The following SCYL1 variants were observed in gnomAD, a reference collection of about 807,000 sequenced individuals.
SCYL1 encodes N-terminal kinase-like protein.
SCYL1 carries 85 observed loss-of-function variants against 94.8 expected under a neutral mutation model. The observed-to-expected ratio is 0.90, with a 90% CI of 0.75 to 1.07. The LOEUF is 1.07. SCYL1 is among the 50% of genes least tolerant of loss of function. The pLI, the probability that SCYL1 is intolerant of heterozygous loss-of-function variation, is 0.00. For synonymous variants in SCYL1, 459 were observed against 435.5 expected (o/e 1.05, Z -0.67); for missense variants, 968 against 1,083.3 (o/e 0.89, Z 1.49).
At chr11:65,536,863 G>A (rs999747402) in intron 13 of SCYL1, 113 bp downstream of exon 13, 1 of 1,348,578 alleles carries the variant, frequency 7.4e-7, no homozygotes, top group Non-Finnish European at 1.0e-6. Context: ...ATAGGAGCTG[G>A]GTAGGCTCCA....
At position 65,525,633 on chromosome 11, in the gene SCYL1, G is replaced by C. The variant is rs1855036887; in HGVS notation, c.171G>C (p.Gln57His). The change falls in exon 2 of 18, where the codon CAG (glutamine) becomes CAC (histidine). Residue 57 changes from glutamine to histidine, a missense_variant. Coordinates refer to ENST00000270176, the MANE Select transcript of SCYL1 (RefSeq NM_020680.4). Reference sequence around the variant, plus strand: ...ATGTGAAGCCTGGCGCGGAAGAGCAGACCCAGGTGGCCAAAGCTGCCTTCA... The same window carrying C: ...ATGTGAAGCCTGGCGCGGAAGAGCACACCCAGGTGGCCAAAGCTGCCTTCA... Reference protein sequence around the residue: ...VYDVKPGAEEQTQVAKAAFKR... With the variant: ...VYDVKPGAEEHTQVAKAAFKR... The C allele has an allele frequency of 1.9e-6, 3 of 1,612,718 alleles. No homozygotes were observed. The highest frequency in any genetic ancestry group is 2.5e-6 in the Non-Finnish European group (3 of 1,179,974).
rs1177631373 is a variant in SCYL1 at position 65,528,533 on chromosome 11, C to T, written c.849+1416C>T. Among the ~76,000 whole-genome samples, 4 of 151,942 alleles carry T rather than the reference C, an allele frequency of 2.6e-5. No individual in the cohort carries two copies. In the East Asian group the frequency reaches 5.8e-4, roughly 22 times the overall value. ...CAGCACTTTGGGAGGCCGGGGCTGG[C>T]GGATTATTTGAGGTCAGGAGTTTGA... On this transcript the variant is annotated intron_variant, in intron 6 of 17. Transcript: ENST00000270176.
Position 65,538,557 on chromosome 11 carries a change from GCTGGA to G in SCYL1, c.2422_2426del (p.Asp808AsnfsTer24). 1 of 1,611,600 alleles carries G rather than the reference GCTGGA, an allele frequency of 6.2e-7. No homozygotes were observed. The highest frequency in any genetic ancestry group is 1.1e-5 in the South Asian group (1 of 90,936). Reference sequence around the variant, plus strand: ...GCCCCATGAAGCTGGGAGCCCGGAAGCTGGACTGAACCGTGGCGGTGGCCCTTCCC... The same window carrying G: ...GCCCCATGAAGCTGGGAGCCCGGAAGCTGAACCGTGGCGGTGGCCCTTCCC... On this transcript the variant is annotated frameshift_variant, in exon 18 of 18. Coordinates refer to ENST00000270176, the MANE Select transcript of SCYL1 (RefSeq NM_020680.4). LOFTEE classifies it high-confidence loss of function.
intron 6 of SCYL1, among the ~76,000 whole-genome samples, chr11:65,529,024 G>A (rs546082548): frequency 1.3e-5 from 2 of 152,316 alleles, no homozygotes; most frequent in South Asian, 4.1e-4. Context: ...TGGCCTGCAG[G>A]GTTGCTGTAG....
At chr11:65,538,402 G>A in intron 17 of SCYL1, 40 bp from the exon 18 acceptor site, 1 of 1,540,324 alleles carries the variant, frequency 6.5e-7, no homozygotes, top group Non-Finnish European at 8.8e-7. Flanking sequence ...GCAGGCACTG[G>A]CTGGAGAGCT....
intron 9 of SCYL1, 139 bp from the exon 10 acceptor site, chr11:65,535,088 C>T: frequency 3.8e-6 from 4 of 1,057,828 alleles, no homozygotes; most frequent in Non-Finnish European, 5.4e-6. Flanking sequence ...ACATGCTGGA[C>T]AGGGCCAGGC....
At position 65,526,865 on chromosome 11, in the gene SCYL1, C is replaced by G. The variant is rs576008769; in HGVS notation, c.685C>G (p.Pro229Ala). 1 of 1,613,406 alleles carries G rather than the reference C, an allele frequency of 6.2e-7. No homozygotes were observed. Among genetic ancestry groups the G allele is most frequent in the Admixed American group, 1.7e-5 (1 of 60,006 alleles). Reference sequence around the variant, plus strand: ...ACCTCGGGCAGCAGCCCTACGCAACCCTGGGAAGGTAAGTTTCTTGCCCCT... The same window carrying G: ...ACCTCGGGCAGCAGCCCTACGCAACGCTGGGAAGGTAAGTTTCTTGCCCCT... Reference protein sequence around the residue: ...PLPRAAALRNPGKIPKTLVPH... With the variant: ...PLPRAAALRNAGKIPKTLVPH... The change falls in exon 5 of 18, where the codon CCT becomes GCT. Residue 229 changes from proline to alanine, a missense_variant. Around this residue, in one of 2 missense-constraint regions of SCYL1, gnomAD observed 494 missense variants for 619.7 expected, o/e 0.80. Transcript: ENST00000270176. The surrounding 1 kb of genome is among the most constrained non-coding windows in gnomAD (Gnocchi z 4.1).
rs577697819 is a variant in SCYL1 at position 65,537,751 on chromosome 11, C to G, written c.1960-58C>G. Reference sequence around the variant, plus strand: ...GCCCGTGGCTGGGATGATGCTGGGGCGGGCTCACTTGCCCTTTAGCATGGG... The same window carrying G: ...GCCCGTGGCTGGGATGATGCTGGGGGGGGCTCACTTGCCCTTTAGCATGGG... On this transcript the variant is annotated intron_variant, in intron 14 of 17. Coordinates refer to ENST00000270176, the MANE Select transcript of SCYL1 (RefSeq NM_020680.4). 5.0e-6 allele frequency: 7 copies of G among 1,413,264 alleles called. No homozygotes were observed. The African/African-American group carries it at 7.1e-5, about 14-fold the overall frequency. 87.5% of individuals were successfully genotyped at this position (1,413,264 alleles called of 1,614,324 possible).
In SCYL1 at chr11:65,530,068, C is replaced by T. The variant is rs563823594; in HGVS notation, c.850-561C>T. Among the ~76,000 whole-genome samples the T allele has an allele frequency of 6.6e-5, 10 of 152,290 alleles. No homozygotes were observed. In the East Asian group the frequency reaches 1.5e-3, roughly 23 times the overall value. ...TAAAGGAGACCGTTGAGCTTACAGGCTGGTCCATTTTGGCTCAGTGGGAGG... is the reference window on the plus strand; with the variant it reads ...TAAAGGAGACCGTTGAGCTTACAGGTTGGTCCATTTTGGCTCAGTGGGAGG... On this transcript the variant is annotated intron_variant, in intron 6 of 17. Coordinates refer to ENST00000270176, the MANE Select transcript of SCYL1 (RefSeq NM_020680.4).
chr11:65,534,502 A>G (rs1855547599), intron 9 of SCYL1, among the ~76,000 whole-genome samples: 1 of 152,170 alleles, frequency 6.6e-6, no homozygotes, highest in Non-Finnish European at 1.5e-5. Flanking sequence ...CTGAGATGAC[A>G]CAAGCATGTT....
At chr11:65,525,293 G>A in intron 1 of SCYL1, 29 bp downstream of exon 1, 1 of 1,362,766 alleles carries the variant, frequency 7.3e-7, no homozygotes, top group Non-Finnish European at 9.6e-7. Context: ...CGTAGGCCGC[G>A]GTCGACCTGG....
chr11:65,531,244 C>T (rs1165909982), intron 7 of SCYL1, among the ~76,000 whole-genome samples: 1 of 152,118 alleles, frequency 6.6e-6, no homozygotes, highest in Admixed American at 6.6e-5. Context: ...ATCTGAAAGA[C>T]TTGTCAGGAG....
Position 65,527,086 on chromosome 11 carries a change from T to C in SCYL1, c.818T>C (p.Val273Ala), listed in dbSNP as rs1469205286. Residue 273 changes from valine to alanine, a missense_variant, in exon 6 of 18, where the codon GTA becomes GCA. Physicochemically the swap from Val to Ala is moderately conservative, Grantham distance 64 (BLOSUM62 0). Transcript: ENST00000270176. ...APGGFMSNRF[V>A]ETNLFLEEIQ... ...GGTGGCTTCATGAGCAACCGCTTTGTAGAAACCAACCTCTTCCTGGAGGAG... is the reference window on the plus strand; with the variant it reads ...GGTGGCTTCATGAGCAACCGCTTTGCAGAAACCAACCTCTTCCTGGAGGAG... 1 of 1,613,598 alleles carries C rather than the reference T, an allele frequency of 6.2e-7. No individual in the cohort carries two copies.
Position 65,530,698 on chromosome 11 carries a change from G to C in SCYL1, c.919G>C (p.Asp307His), listed in dbSNP as rs1351636093. The C allele has an allele frequency of 1.2e-6, 2 of 1,614,102 alleles. No homozygotes were observed. The highest frequency in any genetic ancestry group is 3.3e-5 in the Admixed American group (2 of 60,018). The stretch of plus-strand genomic sequence containing the variant: ...CAAGAGCCTGGACGCATTCCCTGAG[G>C]ATTTCTGTCGGCACAAGGTGCTGCC... ...LSKSLDAFPE[D>H]FCRHKVLPQL... The change falls in exon 7 of 18, where the codon GAT (aspartate) becomes CAT (histidine). Residue 307 changes from aspartate to histidine, a missense_variant. By Grantham distance (81) the Asp-to-His change is moderately conservative (BLOSUM62 -1). Around this residue, in one of 2 missense-constraint regions of SCYL1, gnomAD observed 494 missense variants for 619.7 expected, o/e 0.80. Coordinates refer to ENST00000270176, the MANE Select transcript of SCYL1 (RefSeq NM_020680.4).
Position 65,525,661 on chromosome 11 carries a change from C to A in SCYL1, c.199C>A (p.Arg67Ser), listed in dbSNP as rs1267093507. Reference protein sequence around the residue: ...QTQVAKAAFKRFKTLRHPNIL... With the variant: ...QTQVAKAAFKSFKTLRHPNIL... ...CCAGGTGGCCAAAGCTGCCTTCAAGCGCTTCAAAACTCTACGGCACCCCAA... is the reference window on the plus strand; with the variant it reads ...CCAGGTGGCCAAAGCTGCCTTCAAGAGCTTCAAAACTCTACGGCACCCCAA... Residue 67 changes from arginine to serine, a missense_variant, in exon 2 of 18, where the codon CGC (arginine) becomes AGC (serine). Coordinates refer to ENST00000270176, the MANE Select transcript of SCYL1 (RefSeq NM_020680.4). 1 of 1,612,828 alleles carries A rather than the reference C, an allele frequency of 6.2e-7. No homozygotes were observed. Among genetic ancestry groups the A allele is most frequent in the Non-Finnish European group, 8.5e-7 (1 of 1,179,956 alleles).
Position 65,538,033 on chromosome 11 carries a change from G to C in SCYL1, c.2098G>C (p.Gly700Arg). 6.2e-7 allele frequency: 1 copy of C among 1,612,448 alleles called. No individual in the cohort carries two copies. Among genetic ancestry groups the C allele is most frequent in the Non-Finnish European group, 8.5e-7 (1 of 1,179,400 alleles). ...CGACTGGAGCAGCTGGGAAGCTGAG[G>C]GCTCCTGGGAACAGGGCTGGCAGGA... is the stretch of plus-strand genomic sequence containing the variant. ...ESDWSSWEAE[G>R]SWEQGWQEPS... Residue 700 changes from glycine (G) to arginine (R), a missense_variant, in exon 16 of 18, where the codon GGC becomes CGC. By Grantham distance (125) the Gly-to-Arg change is moderately radical. Around this residue, in one of 2 missense-constraint regions of SCYL1, gnomAD observed 474 missense variants for 463.6 expected, o/e 1.02. Coordinates refer to ENST00000270176, the MANE Select transcript of SCYL1 (RefSeq NM_020680.4).
intron 10 of SCYL1, 173 bp downstream of exon 10, chr11:65,535,555 C>G (rs187422245): frequency 1.3e-6 from 1 of 753,854 alleles, no homozygotes; most frequent in Non-Finnish European, 2.1e-6. Flanking sequence ...CGAAGTCACA[C>G]AGTCAGGAGG....
intron 9 of SCYL1, among the ~76,000 whole-genome samples, chr11:65,534,363 G>T (rs1270161046): frequency 6.6e-6 from 1 of 152,044 alleles, no homozygotes; most frequent in East Asian, 1.9e-4. Context: ...AGTGAGTAGA[G>T]ATCACACCAC....
At chr11:65,528,031 G>A (rs755368985) in intron 6 of SCYL1, among the ~76,000 whole-genome samples, 30 of 152,336 alleles carry the variant, frequency 2.0e-4, no homozygotes, top group Non-Finnish European at 2.6e-4. Context: ...TGGGCAGCAC[G>A]GTGTGGAGGA....
Sources: gnomAD v4.1 joint callset for allele counts (sites outside exome capture counted in the v4.1 genomes callset) on GRCh38, gnomAD v4.1.1 for gene constraint, gnomAD v4.1.1 regional missense constraint, Gnocchi (gnomAD v3.1) non-coding constraint, MANE v1.5 for transcripts, NCBI Gene and HGNC (gene_info 2026-07-23, HGNC 2026-07-21) for gene names.